The following KAT6A variants were observed in gnomAD, a reference collection of about 807,000 sequenced individuals.
KAT6A encodes the protein histone acetyltransferase KAT6A.
In KAT6A, 9 loss-of-function variants were observed where a neutral mutation model predicts 198.4. The observed-to-expected ratio is 0.05, with a 90% CI of 0.03 to 0.08. KAT6A has a LOEUF of 0.08. KAT6A is among the 10% of genes least tolerant of loss of function. KAT6A has a pLI of 1.00. For missense variants in KAT6A, 2,077 were observed against 2,509.9 expected, an observed-to-expected ratio of 0.83 and a Z score of 3.69; for synonymous variants, 890 against 883.0, an observed-to-expected ratio of 1.01 and a Z score of -0.14.
chr8:41,995,112 A>G (rs183020723), intron 2 of KAT6A, among the ~76,000 whole-genome samples: 14 of 152,334 alleles, frequency 9.2e-5, no homozygotes, highest in Admixed American at 5.9e-4. Flanking sequence ...AAGTCACTCA[A>G]TAAGTATTAC....
intron 2 of KAT6A, among the ~76,000 whole-genome samples, chr8:42,042,857 G>A (rs1283406830): frequency 1.3e-5 from 2 of 152,164 alleles, no homozygotes; most frequent in Non-Finnish European, 2.9e-5. Context: ...ATATATTCAA[G>A]TAAATTATGT....
In KAT6A at chr8:41,934,033, T is replaced by C; in HGVS notation, c.4187A>G (p.His1396Arg). Residue 1396 changes from histidine to arginine, a missense_variant, in exon 17 of 17, where the codon CAC becomes CGC. By Grantham distance (29) the His-to-Arg change is conservative. This residue lies in a region of KAT6A where 178 missense variants were observed against 220.8 expected (regional missense o/e 0.81). Coordinates refer to ENST00000265713, the MANE Select transcript of KAT6A (RefSeq NM_006766.5). ...SEQMAGSEDDHEEDSHTKEEL... is the reference protein window; with the variant it reads ...SEQMAGSEDDREEDSHTKEEL... Reference sequence around the variant, plus strand: ...TTCCTTAGTGTGGGAGTCTTCTTCGTGGTCGTCCTCAGACCCAGCCATCTG... The same window carrying C: ...TTCCTTAGTGTGGGAGTCTTCTTCGCGGTCGTCCTCAGACCCAGCCATCTG... 6.2e-7 allele frequency: 1 copy of C among 1,614,196 alleles called. No individual in the cohort carries two copies. The highest frequency in any genetic ancestry group is 8.5e-7 in the Non-Finnish European group (1 of 1,180,044).
intron 2 of KAT6A, among the ~76,000 whole-genome samples, chr8:41,993,089 C>G (rs1825021009): frequency 6.6e-6 from 1 of 152,162 alleles, no homozygotes; most frequent in East Asian, 1.9e-4. Flanking sequence ...TGTAATATTA[C>G]TACTGTTAAC....
At chr8:41,978,563 T>C (rs1195957142) in intron 6 of KAT6A, 79 bp downstream of exon 6, 17 of 1,444,830 alleles carry the variant, frequency 1.2e-5, no homozygotes, top group Admixed American at 4.4e-5. Flanking sequence ...ATTTTTTTCA[T>C]AGAGAAAACA....
intron 8 of KAT6A, chr8:41,957,122 G>A (rs1427187698): frequency 1.7e-6 from 1 of 604,108 alleles, no homozygotes; most frequent in East Asian, 3.5e-5. Context: ...GATGCCCGAT[G>A]TGAAAGTGGA....
intron 16 of KAT6A, among the ~76,000 whole-genome samples, chr8:41,936,289 G>T (rs1254756545): frequency 1.3e-5 from 2 of 152,082 alleles, no homozygotes. Flanking sequence ...AAATAAAAAA[G>T]TATTTGTTAT....
Position 41,969,768 on chromosome 8 carries a change from T to TTCACCTTATGC in KAT6A, c.1482+4925_1482+4935dup, listed in dbSNP as rs201803680. Among the ~76,000 whole-genome samples the TTCACCTTATGC allele has an allele frequency of 8.3e-3, 1,259 of 152,316 alleles. 15 individuals are homozygous for TTCACCTTATGC. Among genetic ancestry groups the TTCACCTTATGC allele is most frequent in the African/African-American group, 0.029 (1,218 of 41,554 alleles). On this transcript the variant is annotated intron_variant, in intron 8 of 16. Transcript: ENST00000265713. ...TCTGGCCTCAGTCTATTTCCCCAGC[T>TTCACCTTATGC]TCACCTTATGCAACTCTTCTGTTCA... is the stretch of plus-strand genomic sequence containing the variant.
chr8:41,953,266 T>C (rs1434999348), intron 9 of KAT6A, among the ~76,000 whole-genome samples: 1 of 152,164 alleles, frequency 6.6e-6, no homozygotes. Flanking sequence ...CCTGAATCTA[T>C]TTCCTCTCCC....
At chr8:42,041,526 CAGG>C (rs1564084253) in intron 2 of KAT6A, among the ~76,000 whole-genome samples, 1 of 152,152 alleles carries the variant, frequency 6.6e-6, no homozygotes, top group East Asian at 1.9e-4. Context: ...CACCTGAGGT[CAGG>C]AGTTCGAGAA....
At chr8:42,020,850 T>G (rs1489400536) in intron 2 of KAT6A, among the ~76,000 whole-genome samples, 1 of 152,188 alleles carries the variant, frequency 6.6e-6, no homozygotes, top group African/African-American at 2.4e-5. Context: ...TTACAGTCAC[T>G]AGTTTCATTC....
Position 41,934,166 on chromosome 8 carries a change from A to C in KAT6A, c.4054T>G (p.Leu1352Val), listed in dbSNP as rs1222730398. 1.9e-6 allele frequency: 3 copies of C among 1,614,062 alleles called. No individual in the cohort carries two copies. Residue 1352 changes from leucine (L) to valine (V), a missense_variant, in exon 17 of 17, where the codon TTA (leucine) becomes GTA (valine). Coordinates refer to ENST00000265713, the MANE Select transcript of KAT6A (RefSeq NM_006766.5). ...KEEPGVQESF[L>V]DANMQKSREK... The stretch of plus-strand genomic sequence containing the variant: ...CTACTCTTCTGCATATTAGCATCTA[A>C]AAAAGACTCTTGAACACCAGGCTCC...
At chr8:41,969,116 T>C (rs1223145449) in intron 8 of KAT6A, among the ~76,000 whole-genome samples, 1 of 152,196 alleles carries the variant, frequency 6.6e-6, no homozygotes, top group Non-Finnish European at 1.5e-5. Context: ...TAGCAGGCAC[T>C]CAATAAACAA....
At chr8:42,025,041 GTAC>G (rs1321498765) in intron 2 of KAT6A, among the ~76,000 whole-genome samples, 4 of 152,188 alleles carry the variant, frequency 2.6e-5, no homozygotes, top group Middle Eastern at 3.4e-3. Flanking sequence ...CATAATGGCT[GTAC>G]TAATTTACAT....
chr8:41,957,368 C>A (rs1196642722), intron 8 of KAT6A: 3 of 497,492 alleles, frequency 6.0e-6, no homozygotes, highest in Non-Finnish European at 1.2e-5. Context: ...GCTCTCTACA[C>A]AGGGAGGAAG....
At chr8:42,007,282 A>C (rs995018835) in intron 2 of KAT6A, among the ~76,000 whole-genome samples, 1 of 152,212 alleles carries the variant, frequency 6.6e-6, no homozygotes, top group Non-Finnish European at 1.5e-5. Flanking sequence ...AGTCTGATGA[A>C]AGGCTAGTTC....
intron 2 of KAT6A, among the ~76,000 whole-genome samples, chr8:41,998,195 C>T (rs1426263153): frequency 1.3e-5 from 2 of 152,118 alleles, no homozygotes; most frequent in Admixed American, 1.3e-4. Flanking sequence ...AAGACAAAAT[C>T]CACACAAAAC....
At chr8:41,987,190 G>A (rs372895641) in intron 3 of KAT6A, among the ~76,000 whole-genome samples, 25 of 152,116 alleles carry the variant, frequency 1.6e-4, no homozygotes, top group African/African-American at 5.6e-4. Flanking sequence ...AGTACTGTAC[G>A]GGTTTGAGCC....
At chr8:41,961,000 C>T (rs1823180612) in intron 8 of KAT6A, among the ~76,000 whole-genome samples, 1 of 152,176 alleles carries the variant, frequency 6.6e-6, no homozygotes, top group Non-Finnish European at 1.5e-5. Flanking sequence ...AACAGAGAAT[C>T]ATGCTACCCA....
chr8:42,038,853 G>A (rs1328924764), intron 2 of KAT6A, among the ~76,000 whole-genome samples: 1 of 151,460 alleles, frequency 6.6e-6, no homozygotes, highest in Non-Finnish European at 1.5e-5. Flanking sequence ...TCTTTAAATT[G>A]CTGACAGTTA....
Sources: gnomAD v4.1 joint callset for allele counts (sites outside exome capture counted in the v4.1 genomes callset) on GRCh38, gnomAD v4.1.1 for gene constraint, gnomAD v4.1.1 regional missense constraint, MANE v1.5 for transcripts, NCBI Gene and HGNC (gene_info 2026-07-23, HGNC 2026-07-21) for gene names.